Variants in SAV1 observed in about 807,000 individuals in gnomAD.
The protein encoded by SAV1 is salvador family WW domain containing protein 1.
SAV1 carries 23 observed loss-of-function variants against 47.3 expected under a neutral mutation model. That is an observed-to-expected ratio of 0.49 (90% CI 0.35 to 0.69). The LOEUF (loss-of-function observed/expected upper bound fraction) is 0.69, where lower values mean the gene tolerates loss of function less well. Among genes scored for constraint, SAV1 ranks in the 30% least tolerant of loss-of-function variants. The pLI, the probability that SAV1 is intolerant of heterozygous loss-of-function variation, is 0.01. For synonymous variants in SAV1, 155 were observed against 159.2 expected, an observed-to-expected ratio of 0.97 and a Z score of 0.20; for missense variants, 448 against 457.4, an observed-to-expected ratio of 0.98 and a Z score of 0.19.
chr14:50,635,312 C>G lies in SAV1; in HGVS notation c.1023G>C (p.Leu341Phe). ...TCTGCTCCAATTCTTTCATGAAGAG[C>G]AACTTTAGCATTCCCTGGTATGTAT... ...DLDTYQGMLK[L>F]LFMKELEQIV... is the part of the protein sequence containing the mutation. Residue 341 changes from leucine (L) to phenylalanine (F), a missense_variant, in exon 5 of 5, where the codon TTG becomes TTC. Physicochemically the swap from Leu to Phe is conservative, Grantham distance 22 (BLOSUM62 0). Transcript: ENST00000324679. The G allele has an allele frequency of 6.2e-7, 1 of 1,614,116 alleles. No individual in the cohort carries two copies. Among genetic ancestry groups the G allele is most frequent in the Non-Finnish European group, 8.5e-7 (1 of 1,180,000 alleles).
intron 3 of SAV1, among the ~76,000 whole-genome samples, chr14:50,642,491 GA>G (rs566683259): frequency 0.11 from 11,894 of 109,628 alleles, 693 homozygotes; most frequent in African/African-American, 0.21. Flanking sequence ...CTCCGTCTCA[GA>G]AAAAAAAAAA....
chr14:50,640,339 C>T (rs2098678974), intron 4 of SAV1, among the ~76,000 whole-genome samples: 1 of 152,060 alleles, frequency 6.6e-6, no homozygotes, highest in South Asian at 2.1e-4. Context: ...AGACTGGTCT[C>T]GAACTCCTGG....
rs148217369 is a variant in SAV1 at position 50,649,052 on chromosome 14, C to A, written c.536-4038G>T. ...CTATTTTTTTTACCCTTAGCTCACT[C>A]TGTTCCAGCTACACTCACCTCCTGG... On this transcript the variant is annotated intron_variant, in intron 2 of 4. Coordinates refer to ENST00000324679, the MANE Select transcript of SAV1 (RefSeq NM_021818.4). 7.2e-5 allele frequency among the ~76,000 whole-genome samples: 11 copies of A among 152,256 alleles called. No homozygotes were observed. The East Asian group carries it at 2.1e-3, about 29-fold the overall frequency.
At chr14:50,661,874 A>G (rs1157057652) in intron 2 of SAV1, among the ~76,000 whole-genome samples, 1 of 152,182 alleles carries the variant, frequency 6.6e-6, no homozygotes, top group Non-Finnish European at 1.5e-5. Context: ...TGTGGTTACT[A>G]TAGCCTTATT....
In SAV1 at chr14:50,634,767, C is replaced by T; in HGVS notation, c.*416G>A. 6.1e-6 allele frequency: 1 copy of T among 163,836 alleles called. No homozygotes were observed. The highest frequency in any genetic ancestry group is 1.3e-5 in the Non-Finnish European group (1 of 75,986). The allele number at this position is 163,836 out of a possible 1,614,324, so 10.1% of individuals were successfully genotyped here. ...ACATCATGGTAATATTTAAACCATC[C>T]CTTTCCAGACAATATTTCACACTAC... is the stretch of plus-strand genomic sequence containing the variant. On this transcript the variant is annotated 3_prime_UTR_variant, in exon 5 of 5. Coordinates refer to ENST00000324679, the MANE Select transcript of SAV1 (RefSeq NM_021818.4).
intron 4 of SAV1, among the ~76,000 whole-genome samples, chr14:50,638,711 T>C (rs2039657399): frequency 6.6e-6 from 1 of 152,206 alleles, no homozygotes; most frequent in South Asian, 2.1e-4. Flanking sequence ...GTGTGAGAAA[T>C]AACAGAAAGT....
rs147651895 is a variant in SAV1, at chr14:50,665,301, T to C, written c.413A>G (p.Asn138Ser). The C allele has an allele frequency of 7.4e-6, 12 of 1,613,658 alleles. No individual in the cohort carries two copies. The highest frequency in any genetic ancestry group is 2.7e-5 in the African/African-American group (2 of 74,848). ...DSGSRYYYSD[N>S]FFDGQRKRPL... ...CCGCTTTCTCTGACCATCAAAAAAA[T>C]TGTCTGAATAATAATATCGGGAACC... The change falls in exon 2 of 5, where the codon AAT becomes AGT. Residue 138 changes from asparagine (N) to serine (S), a missense_variant. Asn to Ser is a conservative substitution (Grantham distance 46). Transcript: ENST00000324679.
At chr14:50,649,372 CAGTCTCT>C (rs1172209404) in intron 2 of SAV1, among the ~76,000 whole-genome samples, 3 of 152,106 alleles carry the variant, frequency 2.0e-5, no homozygotes, top group Admixed American at 1.3e-4. Context: ...GATACATCTC[CAGTCTCT>C]AGAACAGTGT....
Position 50,665,537 on chromosome 14 carries a change from G to C in SAV1, c.177C>G (p.Ala59=). 6.2e-7 allele frequency: 1 copy of C among 1,614,046 alleles called. No individual in the cohort carries two copies. The highest frequency in any genetic ancestry group is 8.5e-7 in the Non-Finnish European group (1 of 1,179,944). The change falls in exon 2 of 5, where the codon GCC becomes GCG. Residue 59 remains alanine, a synonymous_variant. Transcript: ENST00000324679. ...DICLPDSSPN[A]FSTSGDVVSR... ...AAACTACATCTCCAGAAGTTGAAAAGGCATTAGGGCTTGAATCTGGAAGAC... is the reference window on the plus strand; with the variant it reads ...AAACTACATCTCCAGAAGTTGAAAACGCATTAGGGCTTGAATCTGGAAGAC...
intron 2 of SAV1, chr14:50,662,953 C>G (rs1025146627): frequency 5.9e-5 from 9 of 152,194 alleles, no homozygotes; most frequent in Admixed American, 1.3e-4. Context: ...TGTGCTAATC[C>G]TATCTGACTC....
chr14:50,640,404 GC>G (rs2039671832), intron 4 of SAV1, among the ~76,000 whole-genome samples: 1 of 152,128 alleles, frequency 6.6e-6, no homozygotes, highest in Admixed American at 6.5e-5. Context: ...ACAGGTGTGA[GC>G]CACTGTGCCA....
At chr14:50,655,082 T>A (rs1171529953) in intron 2 of SAV1, among the ~76,000 whole-genome samples, 1 of 152,120 alleles carries the variant, frequency 6.6e-6, no homozygotes. Flanking sequence ...TAAACTGCAA[T>A]TGAAAGTTTA....
chr14:50,662,917 T>G (rs1442177147), intron 2 of SAV1: 1 of 152,242 alleles, frequency 6.6e-6, no homozygotes, highest in Non-Finnish European at 1.5e-5. Context: ...TTTATTTTTG[T>G]GAGCATCTCT....
chr14:50,638,408 ATAC>A (rs1383354860), intron 4 of SAV1, among the ~76,000 whole-genome samples: 1 of 152,208 alleles, frequency 6.6e-6, no homozygotes, highest in Non-Finnish European at 1.5e-5. Context: ...TTCTATTCAA[ATAC>A]TACTTATAAA....
At chr14:50,649,391 T>C (rs2140254864) in intron 2 of SAV1, among the ~76,000 whole-genome samples, 1 of 152,330 alleles carries the variant, frequency 6.6e-6, no homozygotes, top group Non-Finnish European at 1.5e-5. Context: ...GAACAGTGTC[T>C]ACAGAATAAA....
intron 4 of SAV1, 75 bp downstream of exon 4, chr14:50,640,675 G>T: frequency 7.5e-7 from 1 of 1,339,898 alleles, no homozygotes; most frequent in Non-Finnish European, 1.0e-6. Context: ...CACACTACTT[G>T]GATCGAGCAG....
intron 1 of SAV1, among the ~76,000 whole-genome samples, chr14:50,666,795 A>C (rs1234780833): frequency 6.6e-6 from 1 of 151,314 alleles, no homozygotes. Flanking sequence ...AAAAAAAAAA[A>C]ACAACTTAAA....
chr14:50,650,937 A>G (rs1177212161), intron 2 of SAV1, among the ~76,000 whole-genome samples: 3 of 151,872 alleles, frequency 2.0e-5, no homozygotes, highest in Non-Finnish European at 4.4e-5. Context: ...GCAGGAGAAC[A>G]CTTGAACCTG....
intron 2 of SAV1, among the ~76,000 whole-genome samples, chr14:50,655,284 CA>C (rs2039802922): frequency 6.6e-6 from 1 of 152,078 alleles, no homozygotes; most frequent in Non-Finnish European, 1.5e-5. Flanking sequence ...AACAATGTAA[CA>C]ATTTTTTCTA....
Sources: gnomAD v4.1 joint callset for allele counts (sites outside exome capture counted in the v4.1 genomes callset) on GRCh38, gnomAD v4.1.1 for gene constraint, MANE v1.5 for transcripts, NCBI Gene and HGNC (gene_info 2026-07-23, HGNC 2026-07-21) for gene names.